The following ROR1 variants were observed in gnomAD, a reference collection of about 807,000 sequenced individuals.
ROR1 encodes inactive tyrosine-protein kinase transmembrane receptor ROR1.
Under a neutral mutation model 78.8 loss-of-function variants are expected in ROR1, and 19 were observed. That is an observed-to-expected ratio of 0.24 (90% CI 0.17 to 0.35). The LOEUF is 0.35. Among genes scored for constraint, ROR1 ranks in the 10% least tolerant of loss-of-function variants. The pLI, the probability that ROR1 is intolerant of heterozygous loss-of-function variation, is 1.00. For synonymous variants in ROR1, 386 were observed against 433.6 expected (o/e 0.89, Z 1.36); for missense variants, 917 against 1,177.8 (o/e 0.78, Z 3.24).
chr1:64,131,651 G>A (rs1455331525), intron 4 of ROR1, among the ~76,000 whole-genome samples: 1 of 152,042 alleles, frequency 6.6e-6, no homozygotes, highest in African/African-American at 2.4e-5. Context: ...GTCTTGCTCT[G>A]TCACCCAGGC....
chr1:64,085,888 T>C (rs1199791523), intron 4 of ROR1, among the ~76,000 whole-genome samples: 1 of 152,202 alleles, frequency 6.6e-6, no homozygotes, highest in East Asian at 1.9e-4. Flanking sequence ...GGGTTAATTG[T>C]CGATTTCTGA....
rs191374280 is a variant in ROR1 at position 63,792,572 on chromosome 1, C to G, written c.91+18064C>G. Among the ~76,000 whole-genome samples the G allele has an allele frequency of 2.0e-5, 3 of 152,316 alleles. No individual in the cohort carries two copies. The East Asian group carries it at 5.8e-4, about 29-fold the overall frequency. On this transcript the variant is annotated intron_variant, in intron 1 of 8. Coordinates refer to ENST00000371079, the MANE Select transcript of ROR1 (RefSeq NM_005012.4). The stretch of plus-strand genomic sequence containing the variant: ...TGCTAGGGCAAGATGTTTCACCTCT[C>G]TGGGCTTCTGTTTCCTGATTTATAA...
chr1:63,895,708 C>T (rs1645433874), intron 1 of ROR1, among the ~76,000 whole-genome samples: 1 of 152,128 alleles, frequency 6.6e-6, no homozygotes, highest in South Asian at 2.1e-4. Context: ...AACCAAGTCT[C>T]AGAGTTGAGA....
chr1:64,022,386 G>A (rs72914948), intron 2 of ROR1, among the ~76,000 whole-genome samples: 5,378 of 152,258 alleles, frequency 0.035, 345 homozygotes, highest in African/African-American at 0.12. Context: ...AGTTAATTTT[G>A]TGTTAAGTGA....
intron 1 of ROR1, among the ~76,000 whole-genome samples, chr1:63,900,191 T>G (rs1014784311): frequency 2.6e-5 from 4 of 152,210 alleles, no homozygotes; most frequent in Non-Finnish European, 5.9e-5. Flanking sequence ...TGGTGACTCA[T>G]GCTTGTAATC....
intron 1 of ROR1, among the ~76,000 whole-genome samples, chr1:63,914,482 C>T (rs1253061545): frequency 6.6e-6 from 1 of 152,132 alleles, no homozygotes; most frequent in Non-Finnish European, 1.5e-5. Context: ...TCAGCTCATG[C>T]CGGTAATCAG....
chr1:64,141,113 G>C (rs546361008), intron 6 of ROR1, among the ~76,000 whole-genome samples: 1 of 152,198 alleles, frequency 6.6e-6, no homozygotes, highest in South Asian at 2.1e-4. Context: ...ACCTATAGTG[G>C]TGAAGGTTGT....
chr1:64,161,389 G>A (rs909671725), intron 8 of ROR1, among the ~76,000 whole-genome samples: 2 of 152,160 alleles, frequency 1.3e-5, no homozygotes, highest in Non-Finnish European at 2.9e-5. Flanking sequence ...GAGGAGGGAG[G>A]GTTAGGCAAG....
At chr1:64,104,095 C>T (rs898391645) in intron 4 of ROR1, among the ~76,000 whole-genome samples, 2 of 152,136 alleles carry the variant, frequency 1.3e-5, no homozygotes, top group Non-Finnish European at 2.9e-5. Flanking sequence ...AAACTCTGCA[C>T]TAGGCTATAT....
chr1:64,171,104 C>T lies in ROR1; in HGVS notation c.1387-6324C>T, dbSNP rs146561279. ...TCCACATTTTCGGGTATCTTTTCAG[C>T]AGCACCCCACTCTACTGGTACCAAT... is the stretch of plus-strand genomic sequence containing the variant. On this transcript the variant is annotated intron_variant, in intron 8 of 8. Coordinates refer to ENST00000371079, the MANE Select transcript of ROR1 (RefSeq NM_005012.4). 734 of 170,194 alleles carry T rather than the reference C, an allele frequency of 4.3e-3. 6 individuals are homozygous for T. The highest frequency in any genetic ancestry group is 0.017 in the African/African-American group (697 of 41,862). The allele number at this position is 170,194 out of a possible 1,614,324, so 10.5% of individuals were successfully genotyped here.
intron 8 of ROR1, among the ~76,000 whole-genome samples, chr1:64,175,867 ACT>A (rs1341914884): frequency 2.0e-5 from 3 of 152,194 alleles, no homozygotes; most frequent in African/African-American, 2.4e-5. Flanking sequence ...GTTGTTTTAA[ACT>A]CTGTACAGAG....
At chr1:63,980,784 G>A (rs1476402907) in intron 1 of ROR1, among the ~76,000 whole-genome samples, 2 of 152,240 alleles carry the variant, frequency 1.3e-5, no homozygotes, top group East Asian at 3.9e-4. Context: ...GGTAGGGATG[G>A]CCCTAGTCAC....
intron 7 of ROR1, among the ~76,000 whole-genome samples, chr1:64,144,436 A>G (rs1471751261): frequency 1.3e-5 from 2 of 152,128 alleles, no homozygotes; most frequent in African/African-American, 4.8e-5. Context: ...CTACTTAACA[A>G]AAGAGAAGGA....
At chr1:63,963,576 C>CAAAACAAAACAAAAAAA (rs527722697) in intron 1 of ROR1, among the ~76,000 whole-genome samples, 2 of 120,186 alleles carry the variant, frequency 1.7e-5, no homozygotes, top group African/African-American at 3.3e-5. Context: ...CTCAAAAAAA[C>CAAAACAAAACAAAAAAA]AAAACAAAAC....
At chr1:63,950,394 T>A (rs1263842409) in intron 1 of ROR1, among the ~76,000 whole-genome samples, 1 of 152,226 alleles carries the variant, frequency 6.6e-6, no homozygotes. Context: ...GATGTTGCCA[T>A]GGCATTTGTA....
intron 2 of ROR1, among the ~76,000 whole-genome samples, chr1:64,014,928 A>G (rs1162687752): frequency 1.3e-5 from 2 of 149,890 alleles, no homozygotes; most frequent in Non-Finnish European, 3.0e-5. Flanking sequence ...AGATATATGT[A>G]TCTGTTACTG....
Position 64,140,103 on chromosome 1 carries a change from T to C in ROR1, c.611-6T>C. ...CTGGGAGTTAATAATTGTGTTTGTTTTCCAGCTGCCTTCACTATGATTGGC... is the reference window on the plus strand; with the variant it reads ...CTGGGAGTTAATAATTGTGTTTGTTCTCCAGCTGCCTTCACTATGATTGGC... On this transcript the variant is annotated splice_polypyrimidine_tract_variant and splice_region_variant and intron_variant, in intron 5 of 8. Coordinates refer to ENST00000371079, the MANE Select transcript of ROR1 (RefSeq NM_005012.4). The C allele has an allele frequency of 6.2e-7, 1 of 1,609,760 alleles. No homozygotes were observed. The highest frequency in any genetic ancestry group is 8.5e-7 in the Non-Finnish European group (1 of 1,176,302).
intron 8 of ROR1, among the ~76,000 whole-genome samples, chr1:64,162,895 A>C (rs1649984111): frequency 6.6e-6 from 1 of 151,898 alleles, no homozygotes; most frequent in African/African-American, 2.4e-5. Flanking sequence ...TTGCCCCTAC[A>C]TCCCCTGCCA....
intron 2 of ROR1, among the ~76,000 whole-genome samples, chr1:64,027,210 A>G (rs1646619166): frequency 6.6e-6 from 1 of 152,196 alleles, no homozygotes. Context: ...GTTATTGCCC[A>G]CAGAATCTCT....
Sources: gnomAD v4.1 joint callset for allele counts (sites outside exome capture counted in the v4.1 genomes callset) on GRCh38, gnomAD v4.1.1 for gene constraint, MANE v1.5 for transcripts, NCBI Gene and HGNC (gene_info 2026-07-23, HGNC 2026-07-21) for gene names.